The following IKZF1 variants were observed in gnomAD, a reference collection of about 807,000 sequenced individuals.
The protein encoded by IKZF1 is DNA-binding protein Ikaros.
In IKZF1, 10 loss-of-function variants were observed where a neutral mutation model predicts 51.7. That is an observed-to-expected ratio of 0.19 (90% confidence interval 0.12 to 0.33). The LOEUF (loss-of-function observed/expected upper bound fraction) is 0.33, where lower values mean the gene tolerates loss of function less well. IKZF1 is among the 10% of genes least tolerant of loss of function. The probability of loss-of-function intolerance (pLI) is 1.00; values close to 1 mark genes in which losing one functional copy is unlikely to be tolerated. For missense variants in IKZF1, 484 were observed against 707.5 expected, an observed-to-expected ratio of 0.68 and a Z score of 3.58; for synonymous variants, 280 against 282.3, an observed-to-expected ratio of 0.99 and a Z score of 0.08.
intron 1 of IKZF1, among the ~76,000 whole-genome samples, chr7:50,317,385 T>C (rs1388532327): frequency 6.6e-6 from 1 of 152,244 alleles, no homozygotes; most frequent in Admixed American, 6.5e-5. Context: ...TTTGAGTCTA[T>C]CTTGCTTCTT....
intron 1 of IKZF1, among the ~76,000 whole-genome samples, chr7:50,305,187 C>T (rs1053016517): frequency 2.0e-5 from 3 of 152,218 alleles, no homozygotes; most frequent in African/African-American, 7.2e-5. Flanking sequence ...TAGCTCCCAA[C>T]CATATTTAAA....
intron 3 of IKZF1, among the ~76,000 whole-genome samples, chr7:50,336,546 G>A (rs990412147): frequency 3.9e-5 from 6 of 152,216 alleles, no homozygotes; most frequent in Non-Finnish European, 8.8e-5. Flanking sequence ...CAGATAGCTC[G>A]CCCTTGGGAC....
intron 4 of IKZF1, among the ~76,000 whole-genome samples, 186 bp from the exon 5 acceptor site, chr7:50,382,354 G>A (rs1812071828): frequency 6.6e-6 from 1 of 152,174 alleles, no homozygotes; most frequent in African/African-American, 2.4e-5. Flanking sequence ...TAGATTTTCA[G>A]ATCAAATTGA....
rs1818619499 is a variant in IKZF1, at chr7:50,404,222, A to G, written c.*3595A>G. 4.6e-6 allele frequency: 1 copy of G among 217,206 alleles called. No individual in the cohort carries two copies. Among genetic ancestry groups the G allele is most frequent in the African/African-American group, 2.3e-5 (1 of 44,412 alleles). 13.5% of individuals were successfully genotyped at this position (217,206 alleles called of 1,614,324 possible). A position where few individuals can be genotyped will look rare whatever the true frequency, so the allele number is the denominator to read the frequency against. ...AGGTCGAATCTGTTGTATCCAGTAC[A>G]GCTTTAGGTCTTCAGCTGCCCTTCT... On this transcript the variant is annotated 3_prime_UTR_variant, in exon 8 of 8. Coordinates refer to ENST00000331340, the MANE Select transcript of IKZF1 (RefSeq NM_006060.6).
chr7:50,342,435 T>G (rs1799262516), intron 3 of IKZF1, among the ~76,000 whole-genome samples: 1 of 152,224 alleles, frequency 6.6e-6, no homozygotes. Context: ...CTTTAAATTT[T>G]TGAAATGAGG....
intron 1 of IKZF1, among the ~76,000 whole-genome samples, chr7:50,306,321 CTT>C: frequency 6.6e-6 from 1 of 152,270 alleles, no homozygotes; most frequent in Non-Finnish European, 1.5e-5. Flanking sequence ...AAACGTGACT[CTT>C]AAGTCTCACA....
At chr7:50,330,702 A>C (rs1796268174) in intron 3 of IKZF1, among the ~76,000 whole-genome samples, 1 of 152,240 alleles carries the variant, frequency 6.6e-6, no homozygotes, top group Non-Finnish European at 1.5e-5. Context: ...AGGAAACAAT[A>C]TAAAAAGGTA....
chr7:50,331,849 C>A (rs1796508414), intron 3 of IKZF1, among the ~76,000 whole-genome samples: 1 of 152,182 alleles, frequency 6.6e-6, no homozygotes, highest in African/African-American at 2.4e-5. Flanking sequence ...GAAAATGAAA[C>A]AAAGGATTTA....
intron 1 of IKZF1, among the ~76,000 whole-genome samples, chr7:50,311,517 A>C (rs979630011): frequency 2.6e-5 from 4 of 152,252 alleles, no homozygotes; most frequent in Admixed American, 2.6e-4. Context: ...GTATGGGTTC[A>C]TAAACAATGG....
At chr7:50,317,613 A>C (rs1247634905) in intron 1 of IKZF1, among the ~76,000 whole-genome samples, 1 of 152,162 alleles carries the variant, frequency 6.6e-6, no homozygotes, top group Non-Finnish European at 1.5e-5. Flanking sequence ...CTCCTAAGCC[A>C]CACACCTACC....
At chr7:50,387,105 T>A (rs887853078) in intron 5 of IKZF1, among the ~76,000 whole-genome samples, 1 of 152,196 alleles carries the variant, frequency 6.6e-6, no homozygotes, top group African/African-American at 2.4e-5. Flanking sequence ...AATTTGGTAG[T>A]CAGTAAAGTA....
chr7:50,320,777 AC>A (rs1266949034), intron 2 of IKZF1, among the ~76,000 whole-genome samples: 10 of 152,234 alleles, frequency 6.6e-5, no homozygotes, highest in African/African-American at 2.2e-4. Flanking sequence ...ATCTATATAA[AC>A]AAAAATGGTA....
rs762184015 is a variant in IKZF1, at chr7:50,382,700, G to A, written c.582G>A (p.Thr194=). The change falls in exon 5 of 8, where the codon ACG becomes ACA. Residue 194 remains threonine, a synonymous_variant. Coordinates refer to ENST00000331340, the MANE Select transcript of IKZF1 (RefSeq NM_006060.6). ...RRDALTGHLR[T]HSVGKPHKCG... is the part of the protein sequence containing the mutation. ...ACGCCCTCACTGGCCACCTGAGGAC[G>A]CACTCCGGTAGGTCCCCTGGATGCA... The A allele has an allele frequency of 6.2e-6, 10 of 1,606,716 alleles. No individual in the cohort carries two copies. The Admixed American group carries it at 6.7e-5, about 11-fold the overall frequency.
intron 3 of IKZF1, among the ~76,000 whole-genome samples, chr7:50,352,068 A>G (rs1335504439): frequency 6.6e-6 from 1 of 152,154 alleles, no homozygotes; most frequent in Non-Finnish European, 1.5e-5. Flanking sequence ...TTCAGCACAC[A>G]TTTCTGTTGC....
At chr7:50,399,154 A>C (rs1440944257) in intron 7 of IKZF1, among the ~76,000 whole-genome samples, 1 of 152,186 alleles carries the variant, frequency 6.6e-6, no homozygotes, top group Non-Finnish European at 1.5e-5. Context: ...TAACAGATGA[A>C]TAGCAACTAT....
In IKZF1 at chr7:50,387,465, A is replaced by T; in HGVS notation, c.710A>T (p.Tyr237Phe). Residue 237 changes from tyrosine (Y) to phenylalanine (F), a missense_variant, in exon 6 of 8, where the codon TAC becomes TTC. Around this residue, in one of 6 missense-constraint regions of IKZF1, gnomAD observed 172 missense variants for 192.7 expected, o/e 0.89. Coordinates refer to ENST00000331340, the MANE Select transcript of IKZF1 (RefSeq NM_006060.6). ...AGCATGGGCCTTCCGGGCACACTGT[A>T]CCCAGGTAAGCGCTGCTGCTCGGAG... ...LESMGLPGTL[Y>F]PVIKEETNHS... 1 of 1,609,774 alleles carries T rather than the reference A, an allele frequency of 6.2e-7. No individual in the cohort carries two copies. The highest frequency in any genetic ancestry group is 1.1e-5 in the South Asian group (1 of 90,326).
chr7:50,309,875 C>T (rs1789735723), intron 1 of IKZF1, among the ~76,000 whole-genome samples: 1 of 152,126 alleles, frequency 6.6e-6, no homozygotes, highest in South Asian at 2.1e-4. Flanking sequence ...CTTTTGTAAG[C>T]TTACTTCTGA....
At chr7:50,336,235 A>T (rs1007242470) in intron 3 of IKZF1, among the ~76,000 whole-genome samples, 7 of 151,318 alleles carry the variant, frequency 4.6e-5, no homozygotes, top group Non-Finnish European at 8.8e-5. Context: ...GGGGAGGAGG[A>T]GCCCTGCCTG....
chr7:50,323,222 G>A (rs1242180835), intron 2 of IKZF1, among the ~76,000 whole-genome samples: 1 of 152,182 alleles, frequency 6.6e-6, no homozygotes, highest in Non-Finnish European at 1.5e-5. Flanking sequence ...AACCTGCAGG[G>A]AGCTGAGACA....
Sources: allele counts gnomAD v4.1 joint callset (sites outside exome capture counted in the v4.1 genomes callset), GRCh38; gene constraint gnomAD v4.1.1; regional missense constraint gnomAD v4.1.1; transcripts MANE v1.5; gene names NCBI Gene and HGNC (gene_info 2026-07-23, HGNC 2026-07-21).